Variants in GALNT2 observed in about 807,000 individuals in gnomAD.
GALNT2 encodes the protein polypeptide N-acetylgalactosaminyltransferase 2, also known as UDP-GalNAc:polypeptide N-acetylgalactosaminyltransferase 2.
A neutral mutation model predicts 81.4 loss-of-function variants in GALNT2; 31 were observed. That is an observed-to-expected ratio of 0.38 (90% CI 0.29 to 0.51). The LOEUF is 0.51. Among genes scored for constraint, GALNT2 ranks in the 20% least tolerant of loss-of-function variants. The probability of loss-of-function intolerance (pLI) is 0.87; values close to 1 mark genes in which losing one functional copy is unlikely to be tolerated. For missense variants in GALNT2, 629 were observed against 765.7 expected (o/e 0.82, Z 2.11); for synonymous variants, 303 against 287.4 (o/e 1.05, Z -0.55).
intron 1 of GALNT2, among the ~76,000 whole-genome samples, chr1:230,123,289 C>CA (rs1351808572): frequency 1.3e-5 from 2 of 152,184 alleles, no homozygotes; most frequent in Non-Finnish European, 2.9e-5. Context: ...TAGCTGTTTC[C>CA]AAAAAACAAA....
rs144711531 is a variant in GALNT2 at position 230,157,466 on chromosome 1, C to T, written c.127-20752C>T. Reference sequence around the variant, plus strand: ...AAGCTAAACACATGTTCTCATACAACGCAGTAATCCCACCCTTAGATATTA... The same window carrying T: ...AAGCTAAACACATGTTCTCATACAATGCAGTAATCCCACCCTTAGATATTA... On this transcript the variant is annotated intron_variant, in intron 1 of 15. Transcript: ENST00000366672. Among the ~76,000 whole-genome samples, 481 of 152,320 alleles carry T rather than the reference C, an allele frequency of 3.2e-3. 1 individual carries two copies. Among genetic ancestry groups the T allele is most frequent in the African/African-American group, 0.011 (466 of 41,560 alleles).
intron 2 of GALNT2, among the ~76,000 whole-genome samples, chr1:230,185,285 T>C (rs925404014): frequency 2.6e-5 from 3 of 113,670 alleles, no homozygotes; most frequent in South Asian, 3.6e-4. Context: ...TGTGTGTGTG[T>C]GTGTGTGTGT....
At chr1:230,216,109 T>A (rs915367062) in intron 3 of GALNT2, among the ~76,000 whole-genome samples, 6 of 152,194 alleles carry the variant, frequency 3.9e-5, no homozygotes, top group Non-Finnish European at 8.8e-5. Context: ...TCAACAGAGT[T>A]TTGCTTGATA....
At chr1:230,164,957 C>T (rs1313916681) in intron 1 of GALNT2, among the ~76,000 whole-genome samples, 3 of 152,196 alleles carry the variant, frequency 2.0e-5, no homozygotes, top group Non-Finnish European at 2.9e-5. Context: ...TTTGTGTCCC[C>T]TGCCCCATAG....
intron 8 of GALNT2, 24 bp downstream of exon 8, chr1:230,246,174 T>A (rs770351694): frequency 4.5e-6 from 7 of 1,563,584 alleles, no homozygotes; most frequent in Non-Finnish European, 4.4e-6. Context: ...ATGGTGCCCC[T>A]GCCTAGCTCG....
intron 1 of GALNT2, among the ~76,000 whole-genome samples, chr1:230,115,613 C>T (rs978644114): frequency 1.3e-5 from 2 of 152,080 alleles, no homozygotes; most frequent in Non-Finnish European, 1.5e-5. Context: ...TGACTGATGA[C>T]GGTGGTGGTG....
upstream of GALNT2, among the ~76,000 whole-genome samples, chr1:230,063,581 A>C (rs1331798400): frequency 2.0e-5 from 3 of 152,208 alleles, no homozygotes; most frequent in Non-Finnish European, 4.4e-5. Context: ...CCCATGTACA[A>C]TGGAAAGACT....
At position 230,229,584 on chromosome 1, in the gene GALNT2, A is replaced by G. The variant is rs12128794; in HGVS notation, c.375-6430A>G. 3.9e-3 allele frequency among the ~76,000 whole-genome samples: 599 copies of G among 152,322 alleles called. 3 individuals are homozygous for G. Among genetic ancestry groups the G allele is most frequent in the Admixed American group, 5.7e-3 (87 of 15,300 alleles). On this transcript the variant is annotated intron_variant, in intron 3 of 15. Transcript: ENST00000366672. ...CAGTAGTCCTACTTGTGGGTAAATA[A>G]TGCAGAGAAACTTTCTCTGCTGTGT...
At chr1:230,203,484 G>C (rs1300114469) in intron 3 of GALNT2, among the ~76,000 whole-genome samples, 194 bp downstream of exon 3, 1 of 152,230 alleles carries the variant, frequency 6.6e-6, no homozygotes, top group Non-Finnish European at 1.5e-5. Context: ...TCTAGATTCA[G>C]CTCTAGTCTT....
chr1:230,114,334 C>G (rs1056628604), intron 1 of GALNT2, among the ~76,000 whole-genome samples: 3 of 152,190 alleles, frequency 2.0e-5, no homozygotes, highest in African/African-American at 7.2e-5. Flanking sequence ...AGTCAATTTT[C>G]CCTGGTGAAG....
At chr1:230,079,420 G>A (rs1234831201) in intron 1 of GALNT2, among the ~76,000 whole-genome samples, 1 of 152,222 alleles carries the variant, frequency 6.6e-6, no homozygotes. Context: ...GTTTCTGATG[G>A]ACCCACAGGT....
intron 2 of GALNT2, among the ~76,000 whole-genome samples, chr1:230,183,842 G>A (rs920894191): frequency 4.6e-5 from 7 of 152,098 alleles, no homozygotes; most frequent in Admixed American, 4.6e-4. Context: ...GCCAGGTGTG[G>A]TGGTGCGTGC....
chr1:230,116,012 C>T (rs889345151), intron 1 of GALNT2, among the ~76,000 whole-genome samples: 2 of 152,212 alleles, frequency 1.3e-5, no homozygotes, highest in African/African-American at 4.8e-5. Flanking sequence ...ACTGCAGTTC[C>T]TTCTCCACTC....
At chr1:230,191,151 A>T (rs1663511455) in intron 2 of GALNT2, among the ~76,000 whole-genome samples, 1 of 152,210 alleles carries the variant, frequency 6.6e-6, no homozygotes, top group Non-Finnish European at 1.5e-5. Flanking sequence ...AGTTATCTTA[A>T]GCTTTATTAG....
chr1:230,271,817 G>A lies in GALNT2; in HGVS notation c.1441-2628G>A, dbSNP rs969663637. Reference sequence around the variant, plus strand: ...TCCGCATGTCCGGCAGCCACATCCCGGAGTGCAAGGACTTTGACGGAGGCC... The same window carrying A: ...TCCGCATGTCCGGCAGCCACATCCCAGAGTGCAAGGACTTTGACGGAGGCC... On this transcript the variant is annotated intron_variant, in intron 14 of 15. Transcript: ENST00000366672. The surrounding 1 kb of genome is among the most constrained non-coding windows in gnomAD (Gnocchi z 4.2). Among the ~76,000 whole-genome samples the A allele has an allele frequency of 5.3e-5, 8 of 152,178 alleles. No individual in the cohort carries two copies. Among genetic ancestry groups the A allele is most frequent in the East Asian group, 3.9e-4 (2 of 5,192 alleles).
chr1:230,185,303 CGCGCGT>C lies in GALNT2; in HGVS notation c.220+6994_220+6999del, dbSNP rs1049372852. ...GTGTGTGTGTGTGTGTGTGTGTGTG[CGCGCGT>C]GTGTGTGTGTGTTTAACCTCTTAGT... On this transcript the variant is annotated intron_variant, in intron 2 of 15. Coordinates refer to ENST00000366672, the MANE Select transcript of GALNT2 (RefSeq NM_004481.5). Among the ~76,000 whole-genome samples the C allele has an allele frequency of 2.1e-4, 15 of 71,350 alleles. No homozygotes were observed. In the South Asian group the frequency reaches 2.8e-3, roughly 13 times the overall value. The allele number at this position is 71,350 out of a possible 152,430, so 46.8% of individuals were successfully genotyped here. A position where few individuals can be genotyped will look rare whatever the true frequency, so the allele number is the denominator to read the frequency against.
chr1:230,109,029 C>T (rs746235797), intron 1 of GALNT2, among the ~76,000 whole-genome samples: 2 of 152,226 alleles, frequency 1.3e-5, no homozygotes, highest in African/African-American at 4.8e-5. Context: ...AACAAAGTTT[C>T]GCGAACAGTG....
chr1:230,265,433 TGTTAGAA>T, intron 14 of GALNT2, 66 bp downstream of exon 14: 1 of 1,603,044 alleles, frequency 6.2e-7, no homozygotes, highest in East Asian at 2.2e-5. Context: ...GGGGTCCTGA[TGTTAGAA>T]GTCCCAGCTG....
intron 3 of GALNT2, among the ~76,000 whole-genome samples, chr1:230,226,484 A>G (rs1204400749): frequency 2.6e-5 from 4 of 152,232 alleles, no homozygotes; most frequent in African/African-American, 9.7e-5. Context: ...TGGCTAATTT[A>G]ACGCCCCCAC....
Sources: gnomAD v4.1 joint callset for allele counts (sites outside exome capture counted in the v4.1 genomes callset) on GRCh38, gnomAD v4.1.1 for gene constraint, Gnocchi (gnomAD v3.1) non-coding constraint, MANE v1.5 for transcripts, NCBI Gene and HGNC (gene_info 2026-07-23, HGNC 2026-07-21) for gene names.